Variants in WASF3 observed in about 807,000 individuals in gnomAD.
WASF3 encodes the protein actin-binding protein WASF3.
WASF3 carries 11 observed loss-of-function variants against 46.6 expected under a neutral mutation model. That is an observed-to-expected ratio of 0.24 (90% CI 0.15 to 0.39). The LOEUF (loss-of-function observed/expected upper bound fraction) is 0.39, where lower values mean the gene tolerates loss of function less well. WASF3 is among the 10% of genes least tolerant of loss of function. The probability of loss-of-function intolerance (pLI) is 1.00; values close to 1 mark genes in which losing one functional copy is unlikely to be tolerated. For synonymous variants in WASF3, 242 were observed against 259.7 expected (o/e 0.93, Z 0.65); for missense variants, 576 against 669.8 (o/e 0.86, Z 1.55).
Position 26,686,005 on chromosome 13 carries a change from T to TACACAGTAAA in WASF3, c.*160_*161insACACAGTAAA. The stretch of plus-strand genomic sequence containing the variant: ...CAAAAATTCTGGGTCTTTTCAGTAT[T>TACACAGTAAA]TACTGTGTAATACTTAAGTGCCACT... On this transcript the variant is annotated 3_prime_UTR_variant, in exon 10 of 10. Coordinates refer to ENST00000335327, the MANE Select transcript of WASF3 (RefSeq NM_006646.6). 1 of 959,558 alleles carries TACACAGTAAA rather than the reference T, an allele frequency of 1.0e-6. No individual in the cohort carries two copies. 59.4% of individuals were successfully genotyped at this position (959,558 alleles called of 1,614,324 possible). A position where few individuals can be genotyped will look rare whatever the true frequency, so the allele number is the denominator to read the frequency against.
At chr13:26,573,236 A>G (rs1186393263) in intron 1 of WASF3, among the ~76,000 whole-genome samples, 2 of 152,124 alleles carry the variant, frequency 1.3e-5, no homozygotes, top group East Asian at 3.8e-4. Flanking sequence ...CATTTCATCT[A>G]GGCTTTTAAA....
chr13:26,552,056 C>T, the WASF3 span, among the ~76,000 whole-genome samples: 4 of 152,148 alleles, frequency 2.6e-5, no homozygotes, highest in Non-Finnish European at 4.4e-5. Flanking sequence ...CCATGTGCTT[C>T]TCAGAATATT....
chr13:26,568,957 T>C (rs2137150258), intron 1 of WASF3, among the ~76,000 whole-genome samples: 1 of 152,324 alleles, frequency 6.6e-6, no homozygotes, highest in East Asian at 1.9e-4. Context: ...AATTAAACTT[T>C]GGAGGATGTC....
intron 2 of WASF3, among the ~76,000 whole-genome samples, 174 bp downstream of exon 2, chr13:26,613,232 A>G (rs564453372): frequency 6.6e-6 from 1 of 151,528 alleles, no homozygotes; most frequent in Non-Finnish European, 1.5e-5. Context: ...TTAGAGCTTT[A>G]GATCCTAATT....
At chr13:26,567,065 A>G (rs1262920684) in intron 1 of WASF3, among the ~76,000 whole-genome samples, 1 of 152,254 alleles carries the variant, frequency 6.6e-6, no homozygotes, top group Non-Finnish European at 1.5e-5. Flanking sequence ...TACATTGAAC[A>G]GTGGTTCTTG....
chr13:26,553,170 G>A (rs1879006127), upstream of WASF3, among the ~76,000 whole-genome samples: 1 of 152,164 alleles, frequency 6.6e-6, no homozygotes, highest in Admixed American at 6.5e-5. Context: ...CACGCTGCAT[G>A]CACGGGATTT....
At chr13:26,608,411 C>A (rs1236726940) in intron 1 of WASF3, among the ~76,000 whole-genome samples, 1 of 152,180 alleles carries the variant, frequency 6.6e-6, no homozygotes, top group East Asian at 1.9e-4. Context: ...ATGCACCTAG[C>A]TGAGAATGTG....
intron 2 of WASF3, chr13:26,641,204 G>A (rs1306081295): frequency 1.3e-5 from 2 of 152,284 alleles, no homozygotes; most frequent in African/African-American, 4.8e-5. Context: ...GAAGGGAGAA[G>A]GCATTCTTAA....
chr13:26,643,601 T>G (rs1252466434), intron 3 of WASF3, among the ~76,000 whole-genome samples: 1 of 152,238 alleles, frequency 6.6e-6, no homozygotes, highest in Non-Finnish European at 1.5e-5. Context: ...ACATGAAGAC[T>G]GCTTGTAAAT....
At chr13:26,576,886 A>G (rs1041475416) in intron 1 of WASF3, 4 of 732,870 alleles carry the variant, frequency 5.5e-6, no homozygotes, top group East Asian at 2.9e-5. Context: ...GAGCAGCACC[A>G]TGGCTGTTGG....
At chr13:26,544,086 TTCACAAAAATTC>T in the WASF3 span, among the ~76,000 whole-genome samples, 1 of 152,168 alleles carries the variant, frequency 6.6e-6, no homozygotes, top group East Asian at 1.9e-4. Context: ...ACAGGAAGAA[TTCACAAAAATTC>T]TAACAAGATT....
At chr13:26,671,812 C>A in intron 5 of WASF3, 60 bp from the exon 6 acceptor site, 2 of 1,164,998 alleles carry the variant, frequency 1.7e-6, no homozygotes, top group African/African-American at 1.6e-5. Context: ...TAACATTAAC[C>A]TACATATAAA....
chr13:26,642,814 A>G (rs1157715796), intron 3 of WASF3, among the ~76,000 whole-genome samples: 3 of 152,222 alleles, frequency 2.0e-5, no homozygotes, highest in Non-Finnish European at 4.4e-5. Flanking sequence ...TATGCCTGGC[A>G]CATAGTACCT....
At chr13:26,600,305 T>C (rs981716327) in intron 1 of WASF3, among the ~76,000 whole-genome samples, 4 of 152,200 alleles carry the variant, frequency 2.6e-5, no homozygotes, top group Admixed American at 2.6e-4. Flanking sequence ...GGTTTGACTC[T>C]CAACTCTATT....
chr13:26,566,787 C>G, intron 1 of WASF3, among the ~76,000 whole-genome samples: 1 of 152,214 alleles, frequency 6.6e-6, no homozygotes, highest in East Asian at 1.9e-4. Context: ...AGGCTGGACA[C>G]ATAGCAGAGC....
intron 2 of WASF3, among the ~76,000 whole-genome samples, chr13:26,613,829 T>C (rs1881052630): frequency 6.6e-6 from 1 of 152,144 alleles, no homozygotes; most frequent in Non-Finnish European, 1.5e-5. Flanking sequence ...TACTCTGAAC[T>C]GAGGTGGTGG....
At chr13:26,634,335 C>T (rs7324730) in intron 2 of WASF3, among the ~76,000 whole-genome samples, 3,131 of 152,218 alleles carry the variant, frequency 0.021, 109 homozygotes, top group African/African-American at 0.072. Context: ...TTTCCATTTG[C>T]TTGGTAGATC....
At chr13:26,642,524 C>T in intron 3 of WASF3, 121 bp downstream of exon 3, 1 of 1,222,774 alleles carries the variant, frequency 8.2e-7, no homozygotes, top group Non-Finnish European at 1.1e-6. Flanking sequence ...CTTTCTCCTT[C>T]TGTATTTCCC....
chr13:26,672,120 A>G (rs905549679), intron 6 of WASF3, 131 bp downstream of exon 6: 2 of 692,114 alleles, frequency 2.9e-6, no homozygotes, highest in Non-Finnish European at 2.4e-6. Flanking sequence ...TGCATTTCTC[A>G]CAAAAGATCC....
Sources: allele counts gnomAD v4.1 joint callset (sites outside exome capture counted in the v4.1 genomes callset), GRCh38; gene constraint gnomAD v4.1.1; transcripts MANE v1.5; gene names NCBI Gene and HGNC (gene_info 2026-07-23, HGNC 2026-07-21).